TRPM3: variants seen among roughly 807,000 people sequenced by gnomAD.
TRPM3 encodes the protein transient receptor potential cation channel subfamily M member 3.
A neutral mutation model predicts 181.2 loss-of-function variants in TRPM3; 77 were observed. The observed-to-expected ratio is 0.42, with a 90% CI of 0.35 to 0.51. The LOEUF (loss-of-function observed/expected upper bound fraction) is 0.51. TRPM3 is among the 20% of genes least tolerant of loss of function. The pLI is 0.01. For synonymous variants in TRPM3, 745 were observed against 796.4 expected, an observed-to-expected ratio of 0.94 and a Z score of 1.09; for missense variants, 1,759 against 2,196.7, an observed-to-expected ratio of 0.80 and a Z score of 3.98.
At chr9:70,597,228 C>T (rs777857721) in intron 21 of TRPM3, among the ~76,000 whole-genome samples, 23 of 152,104 alleles carry the variant, frequency 1.5e-4, no homozygotes, top group South Asian at 1.0e-3. Context: ...CCACCATGCC[C>T]GGCCCTAATT....
At chr9:70,951,104 T>C (rs1392080294) in intron 1 of TRPM3, among the ~76,000 whole-genome samples, 1 of 152,154 alleles carries the variant, frequency 6.6e-6, no homozygotes. Flanking sequence ...TCTATTATTA[T>C]GTAAGTAATC....
chr9:71,197,706 T>G (rs952477469), intron 1 of TRPM3, among the ~76,000 whole-genome samples: 4 of 151,768 alleles, frequency 2.6e-5, no homozygotes, highest in African/African-American at 7.3e-5. Flanking sequence ...TCGCCCACTT[T>G]TTGATGGGGT....
chr9:71,426,735 G>C (rs917920622), intron 1 of TRPM3, among the ~76,000 whole-genome samples: 1 of 151,820 alleles, frequency 6.6e-6, no homozygotes, highest in Admixed American at 6.6e-5. Context: ...ATTCCTATTA[G>C]CTCGGCATCT....
At chr9:71,293,747 A>AAGGACT (rs1219173494) in intron 1 of TRPM3, among the ~76,000 whole-genome samples, 1 of 151,980 alleles carries the variant, frequency 6.6e-6, no homozygotes, top group East Asian at 1.9e-4. Flanking sequence ...TGTAGGAGTA[A>AAGGACT]AGGACTAAGG....
intron 1 of TRPM3, among the ~76,000 whole-genome samples, chr9:71,426,320 T>A (rs533409451): frequency 7.2e-5 from 11 of 152,206 alleles, no homozygotes; most frequent in Non-Finnish European, 1.2e-4. Context: ...TTTTGAGGTT[T>A]TTTTAATGGT....
At chr9:71,403,568 C>T (rs1050612319) in intron 1 of TRPM3, among the ~76,000 whole-genome samples, 1 of 152,180 alleles carries the variant, frequency 6.6e-6, no homozygotes, top group African/African-American at 2.4e-5. Context: ...AACTATCTCA[C>T]ATTTTCGTTG....
At chr9:70,545,587 T>A (rs892283445) in intron 25 of TRPM3, among the ~76,000 whole-genome samples, 1 of 137,884 alleles carries the variant, frequency 7.3e-6, no homozygotes, top group African/African-American at 2.7e-5. Context: ...CGCTCTGTCG[T>A]CCAGGCTAGA....
At chr9:71,355,526 A>C (rs2091858698) in intron 1 of TRPM3, among the ~76,000 whole-genome samples, 1 of 152,194 alleles carries the variant, frequency 6.6e-6, no homozygotes. Context: ...TCAGACTTGA[A>C]GTCCAGATCT....
chr9:71,370,502 A>G (rs1565506643), intron 1 of TRPM3, among the ~76,000 whole-genome samples: 1 of 152,240 alleles, frequency 6.6e-6, no homozygotes, highest in Non-Finnish European at 1.5e-5. Context: ...ACCAGCCACA[A>G]CATTCCCTTA....
chr9:71,156,376 G>GACAC (rs71507025), intron 1 of TRPM3, among the ~76,000 whole-genome samples: 14,807 of 138,258 alleles, frequency 0.11, 924 homozygotes, highest in South Asian at 0.17. Flanking sequence ...ATATACTACA[G>GACAC]ACACACACAC....
At chr9:70,795,217 G>T (rs531654935) in intron 6 of TRPM3, among the ~76,000 whole-genome samples, 55 of 152,206 alleles carry the variant, frequency 3.6e-4, no homozygotes, top group Admixed American at 3.5e-3. Context: ...TTTGCATATT[G>T]ATATTCTATA....
intron 1 of TRPM3, among the ~76,000 whole-genome samples, chr9:70,974,314 G>T (rs866825902): frequency 8.7e-5 from 8 of 92,276 alleles, no homozygotes; most frequent in Middle Eastern, 5.7e-3. Context: ...TCAAGGCGGG[G>T]GGATCACGAG....
intron 1 of TRPM3, among the ~76,000 whole-genome samples, chr9:71,073,820 T>C (rs2063096108): frequency 6.6e-6 from 1 of 152,206 alleles, no homozygotes; most frequent in Non-Finnish European, 1.5e-5. Context: ...AAGAAAAGAA[T>C]GCTGAATTTT....
intron 1 of TRPM3, among the ~76,000 whole-genome samples, chr9:71,006,011 C>T (rs1038184712): frequency 6.6e-6 from 1 of 152,074 alleles, no homozygotes; most frequent in African/African-American, 2.4e-5. Flanking sequence ...TAACTTGAAA[C>T]ATCAAAAAGT....
At chr9:71,331,024 A>C (rs939510197) in intron 1 of TRPM3, among the ~76,000 whole-genome samples, 2 of 151,904 alleles carry the variant, frequency 1.3e-5, no homozygotes, top group East Asian at 3.8e-4. Context: ...GATTCTTGGG[A>C]TCTCAATTTT....
chr9:70,811,291 T>C (rs771238527), intron 6 of TRPM3: 1 of 1,487,852 alleles, frequency 6.7e-7, no homozygotes, highest in Non-Finnish European at 9.2e-7. Flanking sequence ...TGTGGTTGCA[T>C]ACACATTTTA....
At chr9:71,026,816 G>A (rs564176365) in intron 1 of TRPM3, among the ~76,000 whole-genome samples, 6 of 152,256 alleles carry the variant, frequency 3.9e-5, no homozygotes, top group South Asian at 2.1e-4. Context: ...TCAGTGTCCC[G>A]CCATCATTCT....
intron 1 of TRPM3, among the ~76,000 whole-genome samples, chr9:70,960,791 A>G (rs58352198): frequency 0.019 from 2,924 of 152,174 alleles, 97 homozygotes; most frequent in African/African-American, 0.067. Context: ...CACTCTCCAC[A>G]TCAGTCTCCT....
intron 7 of TRPM3, 112 bp from the exon 8 acceptor site, chr9:70,761,836 T>C (rs1156454102): frequency 7.9e-7 from 1 of 1,260,372 alleles, no homozygotes; most frequent in Non-Finnish European, 1.1e-6. Flanking sequence ...AGATAGGAGT[T>C]ATTTCTGTAT....
Sources: allele counts gnomAD v4.1 joint callset (sites outside exome capture counted in the v4.1 genomes callset), GRCh38; gene constraint gnomAD v4.1.1; transcripts MANE v1.5; gene names NCBI Gene and HGNC (gene_info 2026-07-23, HGNC 2026-07-21).